BNIP3L: variants seen among roughly 807,000 people sequenced by gnomAD.
BNIP3L encodes BCL2 interacting protein 3 like, also known as BCL2/adenovirus E1B 19 kDa protein-interacting protein 3-like.
Under a neutral mutation model 25.5 loss-of-function variants are expected in BNIP3L, and 10 were observed. The ratio of observed to expected loss-of-function variants is 0.39; its 90% CI spans 0.24 to 0.67. The LOEUF (loss-of-function observed/expected upper bound fraction) is 0.67. BNIP3L is among the 30% of genes least tolerant of loss of function. The pLI is 0.45. For missense variants in BNIP3L, 215 were observed against 270.9 expected (o/e 0.79, Z 1.45); for synonymous variants, 113 against 101.2 (o/e 1.12, Z -0.70).
At chr8:26,406,964 C>T in intron 3 of BNIP3L, among the ~76,000 whole-genome samples, 1 of 151,018 alleles carries the variant, frequency 6.6e-6, no homozygotes, top group East Asian at 1.9e-4. Context: ...CCTTTTATTT[C>T]CTTTTATTTT....
intron 1 of BNIP3L, chr8:26,383,492 C>G: frequency 2.5e-6 from 3 of 1,177,208 alleles, no homozygotes; most frequent in Middle Eastern, 3.6e-4. Flanking sequence ...GCGCGGATCC[C>G]CCTGGTGCGG....
intron 3 of BNIP3L, among the ~76,000 whole-genome samples, chr8:26,406,946 T>C (rs1426387547): frequency 6.6e-6 from 1 of 152,140 alleles, no homozygotes. Flanking sequence ...ATTTTATTTT[T>C]AGCATATCCT....
Position 26,408,140 on chromosome 8 carries a change from T to A in BNIP3L, c.461+37T>A, listed in dbSNP as rs1196202805. 6 of 1,612,264 alleles carry A rather than the reference T, an allele frequency of 3.7e-6. No individual in the cohort carries two copies. The Admixed American group carries it at 1.0e-4, about 27-fold the overall frequency. ...CATGTTTCTTGTCAGTGGACACAGT[T>A]GATCTGCGCACGCTTACAGGCAATG... is the stretch of plus-strand genomic sequence containing the variant. On this transcript the variant is annotated intron_variant, in intron 4 of 5. Transcript: ENST00000380629.
At chr8:26,407,971 T>C (rs1473545742) in intron 3 of BNIP3L, 29 bp from the exon 4 acceptor site, 4 of 1,602,544 alleles carry the variant, frequency 2.5e-6, no homozygotes, top group East Asian at 2.2e-5. Context: ...TCTTCCTTTT[T>C]TTCTTAAAGT....
At chr8:26,383,306 C>A in intron 1 of BNIP3L, 76 bp downstream of exon 1, 1 of 1,535,990 alleles carries the variant, frequency 6.5e-7, no homozygotes, top group Non-Finnish European at 8.8e-7. Context: ...CGGCGCGGCG[C>A]GGGAGGCGGG....
intron 1 of BNIP3L, among the ~76,000 whole-genome samples, chr8:26,389,584 G>T (rs912401776): frequency 6.6e-6 from 1 of 152,178 alleles, no homozygotes; most frequent in African/African-American, 2.4e-5. Flanking sequence ...AGCCACTGGG[G>T]CTGCCTCAAA....
chr8:26,389,070 A>C (rs1244394327), intron 1 of BNIP3L, among the ~76,000 whole-genome samples: 1 of 152,136 alleles, frequency 6.6e-6, no homozygotes, highest in Non-Finnish European at 1.5e-5. Context: ...CTTCAAGTGA[A>C]TATTAATTGT....
In BNIP3L at chr8:26,383,204, C is replaced by T. The variant is rs11558934; in HGVS notation, c.74C>T (p.Ser25Phe). 6.2e-7 allele frequency: 1 copy of T among 1,611,840 alleles called. No homozygotes were observed. Among genetic ancestry groups the T allele is most frequent in the Non-Finnish European group, 8.5e-7 (1 of 1,179,570 alleles). ...NNNNCEENEQ[S>F]LPPPAGLNSS... ...AACAACTGCGAGGAAAATGAGCAGT[C>T]TCTGCCCCCGCCGGCCGGCCTCAAC... Residue 25 changes from serine to phenylalanine, a missense_variant, in exon 1 of 6, where the codon TCT (serine) becomes TTT (phenylalanine). By Grantham distance (155) the Ser-to-Phe change is radical. This residue lies in a region of BNIP3L where 69 missense variants were observed against 53.6 expected (regional missense o/e 1.29). Coordinates refer to ENST00000380629, the MANE Select transcript of BNIP3L (RefSeq NM_004331.3).
In BNIP3L at chr8:26,390,060, A is replaced by G. The variant is rs559540241; in HGVS notation, c.101-1183A>G. ...GAAATTATGAACAAAATATACCACT[A>G]TCTCTTTTTGCTGTGAAGTTAAGTT... On this transcript the variant is annotated intron_variant, in intron 1 of 5. Transcript: ENST00000380629. 1.1e-4 allele frequency among the ~76,000 whole-genome samples: 16 copies of G among 152,316 alleles called. No individual in the cohort carries two copies. The South Asian group carries it at 2.9e-3, about 28-fold the overall frequency.
rs930911164 is a variant in BNIP3L at position 26,412,375 on chromosome 8, G to T, written c.*1963G>T. 6.6e-6 allele frequency: 1 copy of T among 152,140 alleles called. No individual in the cohort carries two copies. The highest frequency in any genetic ancestry group is 2.4e-5 in the African/African-American group (1 of 41,416). 9.4% of individuals were successfully genotyped at this position (152,140 alleles called of 1,614,324 possible). On this transcript the variant is annotated 3_prime_UTR_variant, in exon 6 of 6. Transcript: ENST00000380629. ...TTTCTATTACAATTGGTATTACAGG[G>T]GGGAAAAGTAAAATTACACTTTACC...
Position 26,395,313 on chromosome 8 carries a change from G to A in BNIP3L, c.357+11G>A. 6.2e-7 allele frequency: 1 copy of A among 1,611,878 alleles called. No homozygotes were observed. Among genetic ancestry groups the A allele is most frequent in the Non-Finnish European group, 8.5e-7 (1 of 1,178,750 alleles). ...GACCATAGCTCTCAGGTGTGTCGGG[G>A]GGATTCTGATTTACAGTAAACAATT... On this transcript the variant is annotated intron_variant, in intron 3 of 5. Coordinates refer to ENST00000380629, the MANE Select transcript of BNIP3L (RefSeq NM_004331.3).
chr8:26,412,618 A>G lies in BNIP3L; in HGVS notation c.*2206A>G, dbSNP rs1806654659. 6.6e-6 allele frequency: 1 copy of G among 152,656 alleles called. No individual in the cohort carries two copies. The highest frequency in any genetic ancestry group is 1.5e-5 in the Non-Finnish European group (1 of 68,044). 9.5% of individuals were successfully genotyped at this position (152,656 alleles called of 1,614,324 possible). On this transcript the variant is annotated 3_prime_UTR_variant, in exon 6 of 6. Coordinates refer to ENST00000380629, the MANE Select transcript of BNIP3L (RefSeq NM_004331.3). ...AGAATTTATTATGAGAGCATGTAGTATGTATCTGTAGCCCTAACACATGGG... is the reference window on the plus strand; with the variant it reads ...AGAATTTATTATGAGAGCATGTAGTGTGTATCTGTAGCCCTAACACATGGG...
chr8:26,402,521 G>A (rs1040973215), intron 3 of BNIP3L, among the ~76,000 whole-genome samples: 1 of 152,172 alleles, frequency 6.6e-6, no homozygotes, highest in Non-Finnish European at 1.5e-5. Flanking sequence ...GTGTTTTCAA[G>A]AACATTTGTT....
At chr8:26,407,217 G>A (rs972351440) in intron 3 of BNIP3L, among the ~76,000 whole-genome samples, 1 of 149,690 alleles carries the variant, frequency 6.7e-6, no homozygotes, top group Admixed American at 6.7e-5. Flanking sequence ...GCGGAGTCTC[G>A]CTCTTTCCCC....
chr8:26,390,736 T>C (rs1806088261), intron 1 of BNIP3L, among the ~76,000 whole-genome samples: 1 of 152,238 alleles, frequency 6.6e-6, no homozygotes, highest in African/African-American at 2.4e-5. Context: ...GTTTCTCAGT[T>C]GTTTGCACTA....
At chr8:26,389,940 T>A (rs1806067493) in intron 1 of BNIP3L, among the ~76,000 whole-genome samples, 1 of 152,224 alleles carries the variant, frequency 6.6e-6, no homozygotes, top group African/African-American at 2.4e-5. Context: ...TGTTCATCCC[T>A]GGAACTCTCT....
At chr8:26,407,381 T>C (rs966700047) in intron 3 of BNIP3L, among the ~76,000 whole-genome samples, 5 of 151,886 alleles carry the variant, frequency 3.3e-5, no homozygotes, top group African/African-American at 7.3e-5. Context: ...AGACACAGGG[T>C]TTCACTGTGT....
chr8:26,402,306 G>A (rs1341981762), intron 3 of BNIP3L, among the ~76,000 whole-genome samples: 2 of 152,142 alleles, frequency 1.3e-5, no homozygotes, highest in Non-Finnish European at 2.9e-5. Flanking sequence ...TTGAATTGCT[G>A]GCTTATGTAT....
At chr8:26,405,876 C>G (rs987523398) in intron 3 of BNIP3L, among the ~76,000 whole-genome samples, 3 of 152,016 alleles carry the variant, frequency 2.0e-5, no homozygotes, top group Non-Finnish European at 4.4e-5. Context: ...AACCCCGTCT[C>G]TACGAAAAAT....
Sources: allele counts gnomAD v4.1 joint callset (sites outside exome capture counted in the v4.1 genomes callset), GRCh38; gene constraint gnomAD v4.1.1; regional missense constraint gnomAD v4.1.1; transcripts MANE v1.5; gene names NCBI Gene and HGNC (gene_info 2026-07-23, HGNC 2026-07-21).